KIAA1328: variants seen among roughly 807,000 people sequenced by gnomAD.
KIAA1328 encodes the protein protein hinderin.
KIAA1328 carries 52 observed loss-of-function variants against 68.1 expected under a neutral mutation model. The observed-to-expected ratio is 0.76, with a 90% CI of 0.61 to 0.96. The LOEUF is 0.96. Among genes scored for constraint, KIAA1328 ranks in the 40% least tolerant of loss-of-function variants. The probability of loss-of-function intolerance (pLI) is 0.00; values close to 1 mark genes in which losing one functional copy is unlikely to be tolerated. For missense variants in KIAA1328, 641 were observed against 677.6 expected (o/e 0.95, Z 0.60); for synonymous variants, 232 against 239.4 (o/e 0.97, Z 0.28).
chr18:37,104,570 G>C (rs2057716279), intron 7 of KIAA1328, among the ~76,000 whole-genome samples: 1 of 152,120 alleles, frequency 6.6e-6, no homozygotes, highest in Non-Finnish European at 1.5e-5. Flanking sequence ...GAAGGAATAA[G>C]TTCTAGCATT....
Position 37,224,608 on chromosome 18 carries a change from A to G in KIAA1328, c.*2381A>G, listed in dbSNP as rs913802794. On this transcript the variant is annotated 3_prime_UTR_variant, in exon 10 of 10. Transcript: ENST00000280020. ...TCTATTTAAATTTACTTTGAAATAT[A>G]TACATACATATGAATGAAAGGTTGT... The G allele has an allele frequency of 2.6e-5, 25 of 975,114 alleles. No homozygotes were observed. The highest frequency in any genetic ancestry group is 2.9e-5 in the Non-Finnish European group (24 of 820,672). The allele number at this position is 975,114 out of a possible 1,614,324, so 60.4% of individuals were successfully genotyped here. A position where few individuals can be genotyped will look rare whatever the true frequency, so the allele number is the denominator to read the frequency against.
intron 4 of KIAA1328, among the ~76,000 whole-genome samples, chr18:36,884,187 T>C (rs2048419326): frequency 6.6e-6 from 1 of 151,838 alleles, no homozygotes; most frequent in African/African-American, 2.4e-5. Context: ...TGTAAAGAGA[T>C]AGGAACAAAG....
chr18:36,984,106 C>A lies in KIAA1328; in HGVS notation c.576+24671C>A, dbSNP rs111283901. Among the ~76,000 whole-genome samples the A allele has an allele frequency of 2.8e-3, 425 of 152,114 alleles. 4 individuals carry two copies. Among genetic ancestry groups the A allele is most frequent in the Admixed American group, 4.7e-3 (72 of 15,252 alleles). The stretch of plus-strand genomic sequence containing the variant: ...TGGAAATGTGAGGATACTTTTTCAA[C>A]CTGATAAAGCTTATATGAAAATTTT... On this transcript the variant is annotated intron_variant, in intron 6 of 9. Transcript: ENST00000280020.
At chr18:37,055,191 C>G (rs2055861077) in intron 6 of KIAA1328, among the ~76,000 whole-genome samples, 1 of 152,280 alleles carries the variant, frequency 6.6e-6, no homozygotes, top group Non-Finnish European at 1.5e-5. Context: ...CCCATTAGAT[C>G]TAACTTGTTT....
At chr18:37,050,229 A>C (rs905995945) in intron 6 of KIAA1328, among the ~76,000 whole-genome samples, 3 of 151,144 alleles carry the variant, frequency 2.0e-5, no homozygotes, top group Non-Finnish European at 2.9e-5. Context: ...GCACCAAAAA[A>C]AGAAAAAAAA....
intron 6 of KIAA1328, among the ~76,000 whole-genome samples, chr18:37,040,424 C>G (rs2055199705): frequency 6.6e-6 from 1 of 152,072 alleles, no homozygotes; most frequent in Non-Finnish European, 1.5e-5. Flanking sequence ...ACTTTATGGT[C>G]TCCTCTTTAA....
At chr18:37,161,554 G>T (rs925154568) in intron 8 of KIAA1328, among the ~76,000 whole-genome samples, 1 of 152,160 alleles carries the variant, frequency 6.6e-6, no homozygotes, top group Non-Finnish European at 1.5e-5. Flanking sequence ...TTTAGACATT[G>T]CTTCCAAAAA....
chr18:37,153,399 GT>G (rs1247152454), intron 7 of KIAA1328, among the ~76,000 whole-genome samples: 1 of 152,062 alleles, frequency 6.6e-6, no homozygotes, highest in Non-Finnish European at 1.5e-5. Flanking sequence ...ATGGCAGCCA[GT>G]TTTTTTCATT....
chr18:36,948,511 C>T lies in KIAA1328; in HGVS notation c.449-10797C>T, dbSNP rs529646766. 5.3e-5 allele frequency among the ~76,000 whole-genome samples: 8 copies of T among 150,924 alleles called. No individual in the cohort carries two copies. In the East Asian group the frequency reaches 5.8e-4, roughly 11 times the overall value. On this transcript the variant is annotated intron_variant, in intron 5 of 9. Transcript: ENST00000280020. The stretch of plus-strand genomic sequence containing the variant: ...TCCTGACCTCGTGATCCTCCCACCT[C>T]GGCCTCCAAAAGTGCTGGGATTACA...
At chr18:37,062,067 A>G (rs2056168115) in intron 6 of KIAA1328, among the ~76,000 whole-genome samples, 1 of 152,220 alleles carries the variant, frequency 6.6e-6, no homozygotes, top group Admixed American at 6.5e-5. Flanking sequence ...TAATCCTTAC[A>G]AGAACCCTAA....
chr18:36,908,546 G>A (rs567094904), intron 5 of KIAA1328, among the ~76,000 whole-genome samples: 112 of 152,220 alleles, frequency 7.4e-4, no homozygotes, highest in Middle Eastern at 3.4e-3. Flanking sequence ...GTCTCACTGT[G>A]TTGCCCAGGC....
chr18:36,990,671 A>AAT (rs149879506), intron 6 of KIAA1328, among the ~76,000 whole-genome samples: 7,342 of 146,562 alleles, frequency 0.05, 200 homozygotes, highest in Non-Finnish European at 0.064. Context: ...ACTCCGTCTA[A>AAT]ATATATATAT....
chr18:37,163,903 C>T (rs1413922602), intron 8 of KIAA1328, among the ~76,000 whole-genome samples: 1 of 152,176 alleles, frequency 6.6e-6, no homozygotes, highest in South Asian at 2.1e-4. Context: ...ATCAACAGCA[C>T]ATAGTATGCA....
chr18:37,105,916 C>CA (rs58940699), intron 7 of KIAA1328, among the ~76,000 whole-genome samples: 1,231 of 19,420 alleles, frequency 0.063, 304 homozygotes, highest in East Asian at 0.48. Context: ...GACTCTGTGT[C>CA]AAAAAAAAAA....
rs531212442 is a variant in KIAA1328, at chr18:37,035,645, C to T, written c.577-31245C>T. 2.6e-4 allele frequency among the ~76,000 whole-genome samples: 39 copies of T among 152,288 alleles called. No individual in the cohort carries two copies. In the East Asian group the frequency reaches 3.9e-3, roughly 15 times the overall value. On this transcript the variant is annotated intron_variant, in intron 6 of 9. Transcript: ENST00000280020. Reference sequence around the variant, plus strand: ...AAGATAGAAAATAAGCAAAACTCAACTTCACGTCCCCGAATCTCTTCCCGT... The same window carrying T: ...AAGATAGAAAATAAGCAAAACTCAATTTCACGTCCCCGAATCTCTTCCCGT...
At chr18:36,850,234 T>A (rs2047168214) in intron 4 of KIAA1328, among the ~76,000 whole-genome samples, 1 of 152,064 alleles carries the variant, frequency 6.6e-6, no homozygotes. Context: ...ATTTTATTCA[T>A]TTTGATGCTT....
intron 4 of KIAA1328, among the ~76,000 whole-genome samples, chr18:36,876,363 G>A (rs895500524): frequency 6.6e-6 from 1 of 152,114 alleles, no homozygotes; most frequent in Non-Finnish European, 1.5e-5. Flanking sequence ...CTTGCTATTG[G>A]TCTGTTCAGG....
chr18:37,139,364 T>C (rs1265479034), intron 7 of KIAA1328, among the ~76,000 whole-genome samples: 1 of 152,194 alleles, frequency 6.6e-6, no homozygotes, highest in Non-Finnish European at 1.5e-5. Flanking sequence ...AGGAAAATTA[T>C]CTTTAAGACG....
At chr18:37,066,517 C>T (rs2056343201) in intron 6 of KIAA1328, among the ~76,000 whole-genome samples, 1 of 152,088 alleles carries the variant, frequency 6.6e-6, no homozygotes, top group Admixed American at 6.5e-5. Flanking sequence ...TGAATGGATT[C>T]CTTGGCTCAG....
Sources: allele counts gnomAD v4.1 joint callset (sites outside exome capture counted in the v4.1 genomes callset), GRCh38; gene constraint gnomAD v4.1.1; transcripts MANE v1.5; gene names NCBI Gene and HGNC (gene_info 2026-07-23, HGNC 2026-07-21).